ADAMTSL1: variants seen among roughly 807,000 people sequenced by gnomAD.
ADAMTSL1 encodes the protein ADAMTS like 1, also known as ADAMTS-like protein 1.
A neutral mutation model predicts 201.8 loss-of-function variants in ADAMTSL1; 126 were observed. That is an observed-to-expected ratio of 0.62 (90% CI 0.54 to 0.72). ADAMTSL1 has a LOEUF of 0.72. Ranked by LOEUF, ADAMTSL1 falls within the 30% of genes least tolerant of loss-of-function variation. The probability of loss-of-function intolerance (pLI) is 0.00; values close to 1 mark genes in which losing one functional copy is unlikely to be tolerated. For missense variants in ADAMTSL1, 2,679 were observed against 2,277.8 expected (o/e 1.18, Z -3.59); for synonymous variants, 1,121 against 903.4 (o/e 1.24, Z -4.32).
chr9:18,213,939 G>T (rs1829972714), intron 2 of ADAMTSL1, among the ~76,000 whole-genome samples: 1 of 152,128 alleles, frequency 6.6e-6, no homozygotes, highest in Non-Finnish European at 1.5e-5. Flanking sequence ...GTTTCACCAT[G>T]TTGGCCAGGC....
intron 2 of ADAMTSL1, among the ~76,000 whole-genome samples, chr9:18,290,320 T>G (rs1833200143): frequency 6.7e-6 from 1 of 149,408 alleles, no homozygotes; most frequent in South Asian, 2.1e-4. Flanking sequence ...TGTGGAGAAA[T>G]TGGCAGGAGC....
At chr9:18,635,751 G>C (rs1341514963) in intron 5 of ADAMTSL1, among the ~76,000 whole-genome samples, 192 bp from the exon 6 acceptor site, 1 of 152,140 alleles carries the variant, frequency 6.6e-6, no homozygotes, top group Non-Finnish European at 1.5e-5. Flanking sequence ...GTTAACTAGT[G>C]ACTAGCATCT....
intron 2 of ADAMTSL1, among the ~76,000 whole-genome samples, chr9:18,412,316 G>C (rs751535947): frequency 2.0e-4 from 30 of 152,234 alleles, no homozygotes; most frequent in Non-Finnish European, 2.9e-4. Flanking sequence ...ATTAATCAGT[G>C]GACACAGGTG....
At chr9:18,037,761 G>T (rs1360233) in intron 1 of ADAMTSL1, among the ~76,000 whole-genome samples, 70,452 of 151,928 alleles carry the variant, frequency 0.46, 16,696 homozygotes, top group Non-Finnish European at 0.51. Context: ...AACTTCTTAC[G>T]TGAGTGAAGT....
At chr9:18,798,211 G>A (rs1215270026) in intron 20 of ADAMTSL1, among the ~76,000 whole-genome samples, 2 of 152,096 alleles carry the variant, frequency 1.3e-5, no homozygotes, top group Non-Finnish European at 2.9e-5. Context: ...AGGGAAATTT[G>A]TTCATAATGA....
At position 17,996,785 on chromosome 9, in the gene ADAMTSL1, C is replaced by G. The variant is rs1057136467; in HGVS notation, c.87+89863C>G. Among the ~76,000 whole-genome samples the G allele has an allele frequency of 2.6e-5, 4 of 152,160 alleles. No individual in the cohort carries two copies. In the East Asian group the frequency reaches 5.8e-4, roughly 22 times the overall value. ...CTGTACTCCCTTCTCACCACCACCC[C>G]CTTTTGCATTTTTTATGGTAAATAA... On this transcript the variant is annotated intron_variant, in intron 1 of 29. Transcript: ENST00000680146.
intron 2 of ADAMTSL1, among the ~76,000 whole-genome samples, chr9:18,521,194 G>C (rs1026104233): frequency 5.3e-5 from 8 of 152,124 alleles, no homozygotes; most frequent in Non-Finnish European, 7.3e-5. Flanking sequence ...AACATTACTT[G>C]TTATGAAGAA....
intron 1 of ADAMTSL1, among the ~76,000 whole-genome samples, chr9:17,964,564 TTAAC>T (rs67093334): frequency 0.49 from 73,614 of 151,728 alleles, 19,568 homozygotes; most frequent in East Asian, 0.92. Context: ...AAAACTGTGT[TTAAC>T]TAAATATACA....
chr9:18,490,339 G>C (rs1822206876), intron 1 of ADAMTSL1, among the ~76,000 whole-genome samples: 1 of 152,048 alleles, frequency 6.6e-6, no homozygotes, highest in South Asian at 2.1e-4. Flanking sequence ...GGGAGGGAGA[G>C]GGGGTAGGTG....
At chr9:18,222,112 G>C (rs1830282238) in intron 2 of ADAMTSL1, among the ~76,000 whole-genome samples, 1 of 151,744 alleles carries the variant, frequency 6.6e-6, no homozygotes, top group African/African-American at 2.4e-5. Context: ...GATTTTGTTT[G>C]ATTAGTATTT....
Position 18,832,709 on chromosome 9 carries a change from A to G in ADAMTSL1, c.4249+2732A>G, listed in dbSNP as rs541264964. ...CAGGCACTGCCTTGGAATTCATTTT[A>G]ATGTTCTTACCAAGCCTGGTGGTAG... On this transcript the variant is annotated intron_variant, in intron 23 of 28. Transcript: ENST00000380548. Among the ~76,000 whole-genome samples the G allele has an allele frequency of 3.9e-5, 6 of 152,222 alleles. No individual in the cohort carries two copies. The East Asian group carries it at 7.7e-4, about 20-fold the overall frequency.
chr9:18,349,853 A>T (rs958034332), intron 2 of ADAMTSL1, among the ~76,000 whole-genome samples: 3 of 151,580 alleles, frequency 2.0e-5, no homozygotes, highest in Admixed American at 6.6e-5. Context: ...CAGAGCATTT[A>T]GCTTTTGGAA....
chr9:18,236,232 G>A (rs919026502), intron 2 of ADAMTSL1, among the ~76,000 whole-genome samples: 2 of 152,034 alleles, frequency 1.3e-5, no homozygotes, highest in South Asian at 2.1e-4. Context: ...CACCACGCCC[G>A]ACTAATTTTT....
intron 2 of ADAMTSL1, among the ~76,000 whole-genome samples, chr9:18,237,957 G>A (rs1211224448): frequency 6.6e-6 from 1 of 152,234 alleles, no homozygotes; most frequent in Non-Finnish European, 1.5e-5. Flanking sequence ...GCATATGGCA[G>A]AGGAGGCAGA....
chr9:18,236,936 T>C (rs755953520), intron 2 of ADAMTSL1, among the ~76,000 whole-genome samples: 8 of 152,204 alleles, frequency 5.3e-5, no homozygotes, highest in Non-Finnish European at 1.0e-4. Context: ...CTGAATCACA[T>C]GTTGCTAAAA....
At chr9:18,867,446 T>C (rs1827604224) in intron 23 of ADAMTSL1, among the ~76,000 whole-genome samples, 1 of 151,822 alleles carries the variant, frequency 6.6e-6, no homozygotes, top group Non-Finnish European at 1.5e-5. Flanking sequence ...ACAGTGCAAA[T>C]GTGTTTTTCT....
chr9:18,832,276 T>C (rs1466380185), intron 23 of ADAMTSL1, among the ~76,000 whole-genome samples: 2 of 152,176 alleles, frequency 1.3e-5, no homozygotes, highest in Non-Finnish European at 2.9e-5. Context: ...CTCCCATCCC[T>C]GACTCCTATA....
At chr9:18,017,324 T>C (rs536437467) in intron 1 of ADAMTSL1, among the ~76,000 whole-genome samples, 5 of 152,132 alleles carry the variant, frequency 3.3e-5, no homozygotes, top group African/African-American at 1.2e-4. Context: ...TTTTGGAATA[T>C]GCTTCCAAGT....
chr9:18,658,475 C>G (rs950420857), intron 8 of ADAMTSL1, among the ~76,000 whole-genome samples: 3 of 152,124 alleles, frequency 2.0e-5, no homozygotes, highest in Admixed American at 6.5e-5. Context: ...AAATAGTTTG[C>G]TACCAGGAAA....
Sources: gnomAD v4.1 joint callset for allele counts (sites outside exome capture counted in the v4.1 genomes callset) on GRCh38, gnomAD v4.1.1 for gene constraint, MANE v1.5 for transcripts, NCBI Gene and HGNC (gene_info 2026-07-23, HGNC 2026-07-21) for gene names.